DNAH3: variants seen among roughly 807,000 people sequenced by gnomAD.
The protein encoded by DNAH3 is dynein axonemal heavy chain 3.
Under a neutral mutation model 432.5 loss-of-function variants are expected in DNAH3, and 332 were observed. That is an observed-to-expected ratio of 0.77 (90% CI 0.70 to 0.84). The LOEUF (loss-of-function observed/expected upper bound fraction) is 0.84, where lower values mean the gene tolerates loss of function less well. Ranked by LOEUF, DNAH3 falls within the 40% of genes least tolerant of loss-of-function variation. The pLI is 0.00. For missense variants in DNAH3, 4,861 were observed against 5,114.0 expected, an observed-to-expected ratio of 0.95 and a Z score of 1.51; for synonymous variants, 1,956 against 1,900.2, an observed-to-expected ratio of 1.03 and a Z score of -0.76.
intron 27 of DNAH3, among the ~76,000 whole-genome samples, chr16:21,057,376 C>G (rs2090171621): frequency 6.6e-6 from 1 of 152,214 alleles, no homozygotes; most frequent in Non-Finnish European, 1.5e-5. Flanking sequence ...TAGCTTCTTC[C>G]CCGTAGGGTT....
chr16:21,043,414 G>C (rs1175021794), intron 31 of DNAH3, among the ~76,000 whole-genome samples: 1 of 133,314 alleles, frequency 7.5e-6, no homozygotes, highest in Non-Finnish European at 1.6e-5. Flanking sequence ...GCATTTCTCT[G>C]ATGGCCAGTG....
chr16:20,964,752 C>A (rs149630157), exon 53 of DNAH3: 1 of 1,614,156 alleles, frequency 6.2e-7, no homozygotes, highest in Middle Eastern at 1.6e-4. Context: ...GATCCCCTAA[C>A]GTGTGGCTGA....
chr16:21,036,856 A>G lies in DNAH3; in HGVS notation c.4951-8T>C. The G allele has an allele frequency of 6.3e-7, 1 of 1,598,532 alleles. No homozygotes were observed. The highest frequency in any genetic ancestry group is 8.6e-7 in the Non-Finnish European group (1 of 1,168,376). ...TAAATCAGATATAATTCCCTGTTAA[A>G]AAGAATTTAAAAGAAAGTGGAAAGG... On this transcript the variant is annotated splice_region_variant and splice_polypyrimidine_tract_variant and intron_variant, in intron 34 of 61. Transcript: ENST00000261383.
chr16:21,013,783 C>T (rs1488918220), intron 41 of DNAH3, among the ~76,000 whole-genome samples: 1 of 147,488 alleles, frequency 6.8e-6, no homozygotes, highest in African/African-American at 2.5e-5. Context: ...ATTCAATGGA[C>T]ATTAAGAGGA....
intron 43 of DNAH3, among the ~76,000 whole-genome samples, chr16:20,998,460 C>A (rs2086861153): frequency 6.6e-6 from 1 of 152,030 alleles, no homozygotes; most frequent in South Asian, 2.1e-4. Context: ...ACCATGTTGG[C>A]CTGGCTGGTC....
chr16:20,988,863 C>G lies in DNAH3; in HGVS notation c.6602-798G>C, dbSNP rs111367554. Among the ~76,000 whole-genome samples the G allele has an allele frequency of 6.0e-3, 910 of 152,026 alleles. 10 individuals carry two copies. Among genetic ancestry groups the G allele is most frequent in the African/African-American group, 0.021 (861 of 41,444 alleles). Reference sequence around the variant, plus strand: ...TCCTTCTGGTGGGTTCGTCATCTCGCTGGCTCAGGAGTGAAGCTGCAGACC... The same window carrying G: ...TCCTTCTGGTGGGTTCGTCATCTCGGTGGCTCAGGAGTGAAGCTGCAGACC... On this transcript the variant is annotated intron_variant, in intron 44 of 61. Coordinates refer to ENST00000261383, the Ensembl canonical transcript of DNAH3.
In DNAH3 at chr16:21,039,891, T is replaced by C. The variant is rs747548145; in HGVS notation, c.4691A>G (p.Glu1564Gly). 8 of 1,613,680 alleles carry C rather than the reference T, an allele frequency of 5.0e-6. No individual in the cohort carries two copies. The Admixed American group carries it at 8.3e-5, about 17-fold the overall frequency. Residue 1564 changes from glutamate (E) to glycine (G), a missense_variant, in exon 33 of 62, where the codon GAA becomes GGA. Physicochemically the swap from Glu to Gly is moderately conservative, Grantham distance 98. Transcript: ENST00000261383. Reference sequence around the variant, plus strand: ...AAACCCCATGGAGTAGAGGGAGATTTCTCCAATGAGGGCGTAATCTGGGAC... The same window carrying C: ...AAACCCCATGGAGTAGAGGGAGATTCCTCCAATGAGGGCGTAATCTGGGAC...
intron 14 of DNAH3, among the ~76,000 whole-genome samples, chr16:21,109,729 T>C (rs2042802740): frequency 6.7e-6 from 1 of 150,342 alleles, no homozygotes; most frequent in Admixed American, 6.7e-5. Context: ...CTTGCATACC[T>C]CTCTCTTTTT....
chr16:21,131,034 T>C (rs1381643293), intron 7 of DNAH3, among the ~76,000 whole-genome samples: 1 of 152,142 alleles, frequency 6.6e-6, no homozygotes, highest in African/African-American at 2.4e-5. Flanking sequence ...ATGATTCCCA[T>C]TTGCATGTAG....
At chr16:21,131,585 C>T (rs911643713) in intron 7 of DNAH3, among the ~76,000 whole-genome samples, 2 of 151,994 alleles carry the variant, frequency 1.3e-5, no homozygotes, top group Admixed American at 6.6e-5. Flanking sequence ...CGTGGTGGCT[C>T]TTGCCTGTAA....
At chr16:21,149,916 C>A (rs2092831863) in intron 1 of DNAH3, among the ~76,000 whole-genome samples, 1 of 152,250 alleles carries the variant, frequency 6.6e-6, no homozygotes, top group South Asian at 2.1e-4. Flanking sequence ...CCCACATATT[C>A]CCAACACATT....
chr16:21,082,323 TG>T (rs1248019687), intron 19 of DNAH3, among the ~76,000 whole-genome samples: 1 of 152,188 alleles, frequency 6.6e-6, no homozygotes, highest in Non-Finnish European at 1.5e-5. Flanking sequence ...CCTGAGCAGC[TG>T]GGACCACTGG....
rs761141662 is a variant in DNAH3 at position 20,948,508 on chromosome 16, TAGTA to T, written c.11314_11317del (p.Tyr3772ThrfsTer51). 31 of 1,613,760 alleles carry T rather than the reference TAGTA, an allele frequency of 1.9e-5. No homozygotes were observed. Among genetic ancestry groups the T allele is most frequent in the African/African-American group, 2.7e-5 (2 of 74,914 alleles). ...CTGGTAGGAGCCATGAGGAGGGATG[TAGTA>T]AGTGTCTCCAGGAGCGAGGGAGTAA... On this transcript the variant is annotated frameshift_variant, in exon 57 of 62. Transcript: ENST00000261383. LOFTEE classifies it high-confidence loss of function.
intron 1 of DNAH3, among the ~76,000 whole-genome samples, chr16:21,155,019 G>A (rs921316075): frequency 6.8e-5 from 10 of 147,286 alleles, no homozygotes; most frequent in African/African-American, 1.0e-4. Flanking sequence ...GTATGATCTC[G>A]GCTCACTGTA....
chr16:20,965,222 C>G, exon 53 of DNAH3: 1 of 1,613,766 alleles, frequency 6.2e-7, no homozygotes, highest in Non-Finnish European at 8.5e-7. Context: ...ATGGCCCTCA[C>G]CCACTTGCAC....
At chr16:20,955,011 G>A in exon 55 of DNAH3, 2 of 1,613,784 alleles carry the variant, frequency 1.2e-6, no homozygotes, top group Non-Finnish European at 1.7e-6. Flanking sequence ...CCATTCTGGA[G>A]AATGCTGACT....
At position 21,034,007 on chromosome 16, in the gene DNAH3, C is replaced by G. The variant is rs745539341; in HGVS notation, c.5164G>C (p.Val1722Leu). 8.7e-6 allele frequency: 14 copies of G among 1,613,856 alleles called. No homozygotes were observed. The East Asian group carries it at 1.6e-4, about 18-fold the overall frequency. ...AAATCGCCGAGAGCTGCAGCCAACA[C>G]TTTATAAGCAGAGGTCTTGCCGCCC... The change falls in exon 36 of 62, where the codon GTG becomes CTG. Residue 1722 changes from valine (V) to leucine (L), a missense_variant. Transcript: ENST00000261383.
chr16:20,935,917 G>A (rs541217305), intron 60 of DNAH3, among the ~76,000 whole-genome samples: 1 of 151,948 alleles, frequency 6.6e-6, no homozygotes, highest in Non-Finnish European at 1.5e-5. Flanking sequence ...CTGTAGCAGT[G>A]GAGAATATGT....
intron 18 of DNAH3, among the ~76,000 whole-genome samples, chr16:21,091,020 G>A (rs1376122779): frequency 6.6e-6 from 1 of 152,006 alleles, no homozygotes; most frequent in Non-Finnish European, 1.5e-5. Context: ...GGGTGTGGTG[G>A]TGTGCATCTG....
Sources: gnomAD v4.1 joint callset for allele counts (sites outside exome capture counted in the v4.1 genomes callset) on GRCh38, gnomAD v4.1.1 for gene constraint, MANE v1.5 for transcripts, NCBI Gene and HGNC (gene_info 2026-07-23, HGNC 2026-07-21) for gene names.